Variants in FHIT observed in about 807,000 individuals in gnomAD.
The protein encoded by FHIT is fragile histidine triad diadenosine triphosphatase.
Under a neutral mutation model 17.9 loss-of-function variants are expected in FHIT, and 19 were observed. The observed-to-expected ratio is 1.06, with a 90% confidence interval of 0.74 to 1.56. The LOEUF (loss-of-function observed/expected upper bound fraction) is 1.56, where lower values mean the gene tolerates loss of function less well. Among genes scored for constraint, FHIT ranks in the 40% most tolerant of loss-of-function variants. FHIT has a pLI of 0.00. For synonymous variants in FHIT, 81 were observed against 69.7 expected (o/e 1.16, Z -0.81); for missense variants, 248 against 189.2 (o/e 1.31, Z -1.82).
At chr3:60,346,925 A>AT (rs979488731) in intron 5 of FHIT, among the ~76,000 whole-genome samples, 6 of 152,260 alleles carry the variant, frequency 3.9e-5, no homozygotes, top group Admixed American at 2.0e-4. Context: ...TACCTTAAAG[A>AT]TTTTTTCCTG....
intron 5 of FHIT, among the ~76,000 whole-genome samples, chr3:60,267,645 C>T (rs543999994): frequency 1.4e-4 from 22 of 152,156 alleles, no homozygotes; most frequent in Admixed American, 5.9e-4. Flanking sequence ...GACCGTTCTT[C>T]CACACTTAGC....
chr3:59,878,018 T>C (rs1301159365), intron 8 of FHIT, among the ~76,000 whole-genome samples: 4 of 152,164 alleles, frequency 2.6e-5, no homozygotes, highest in Non-Finnish European at 5.9e-5. Flanking sequence ...TAAATGCATA[T>C]AGGCCAAATT....
At chr3:60,177,912 C>G (rs1336366825) in intron 5 of FHIT, among the ~76,000 whole-genome samples, 1 of 152,134 alleles carries the variant, frequency 6.6e-6, no homozygotes, top group Non-Finnish European at 1.5e-5. Context: ...CTTCAAGTCC[C>G]AAAGTATTTT....
chr3:60,186,677 T>C (rs959818763), intron 5 of FHIT, among the ~76,000 whole-genome samples: 2 of 152,112 alleles, frequency 1.3e-5, no homozygotes, highest in African/African-American at 2.4e-5. Context: ...CGGGCCTCAT[T>C]AGCTCTAGTA....
intron 1 of FHIT, among the ~76,000 whole-genome samples, chr3:61,214,033 A>T (rs2039584083): frequency 6.6e-6 from 1 of 152,342 alleles, no homozygotes; most frequent in South Asian, 2.1e-4. Flanking sequence ...TTATAGCACT[A>T]AATGCCCACA....
intron 3 of FHIT, among the ~76,000 whole-genome samples, chr3:60,861,623 T>C (rs1575611917): frequency 6.6e-6 from 1 of 151,930 alleles, no homozygotes; most frequent in Non-Finnish European, 1.5e-5. Context: ...TAGTCTAGTC[T>C]CTCATGTTCC....
intron 5 of FHIT, among the ~76,000 whole-genome samples, chr3:60,103,768 C>T (rs893574868): frequency 2.0e-5 from 3 of 152,326 alleles, no homozygotes; most frequent in Non-Finnish European, 4.4e-5. Flanking sequence ...AAATAATCAA[C>T]ATACCAATTC....
intron 2 of FHIT, among the ~76,000 whole-genome samples, chr3:61,062,486 T>C (rs1244704709): frequency 2.0e-5 from 3 of 152,176 alleles, no homozygotes; most frequent in Admixed American, 6.5e-5. Context: ...ATCTCTAGAT[T>C]GAGTTACAAA....
chr3:59,894,098 G>C (rs1703966107), intron 8 of FHIT, among the ~76,000 whole-genome samples: 1 of 151,974 alleles, frequency 6.6e-6, no homozygotes, highest in South Asian at 2.1e-4. Context: ...ACAAAAAATA[G>C]CCTGGTGTGG....
Position 60,600,753 on chromosome 3 carries a change from C to T in FHIT, c.-17-63774G>A, listed in dbSNP as rs148513038. ...GTGATGAGGCAAACCCAGACAAATTCGAGAAAAACAACTTTGTTATAGAAG... is the reference window on the plus strand; with the variant it reads ...GTGATGAGGCAAACCCAGACAAATTTGAGAAAAACAACTTTGTTATAGAAG... On this transcript the variant is annotated intron_variant, in intron 4 of 9. Transcript: ENST00000492590. Among the ~76,000 whole-genome samples the T allele has an allele frequency of 4.4e-4, 67 of 152,220 alleles. 1 individual carries two copies. In the East Asian group the frequency reaches 0.011, roughly 26 times the overall value.
chr3:60,344,011 T>C (rs1010994549), intron 5 of FHIT, among the ~76,000 whole-genome samples: 3 of 152,180 alleles, frequency 2.0e-5, no homozygotes, highest in Non-Finnish European at 4.4e-5. Context: ...TCAAACTCTA[T>C]GACTACAGTT....
intron 3 of FHIT, among the ~76,000 whole-genome samples, chr3:60,826,180 AGG>A (rs1553740923): frequency 1.5e-5 from 2 of 135,502 alleles, no homozygotes; most frequent in Non-Finnish European, 3.0e-5. Context: ...GAAGGAAGGA[AGG>A]AAGGAAGGAA....
At chr3:60,837,141 G>A (rs1416070179) in intron 3 of FHIT, among the ~76,000 whole-genome samples, 1 of 152,084 alleles carries the variant, frequency 6.6e-6, no homozygotes, top group Non-Finnish European at 1.5e-5. Flanking sequence ...GAACTTCTAA[G>A]AAGGCACAGT....
chr3:60,159,549 G>A (rs151192294), intron 5 of FHIT, among the ~76,000 whole-genome samples: 3 of 152,114 alleles, frequency 2.0e-5, no homozygotes, highest in African/African-American at 4.8e-5. Context: ...ACCACAATAC[G>A]TTAAAAAGCA....
intron 5 of FHIT, among the ~76,000 whole-genome samples, chr3:60,522,198 C>T (rs76840121): frequency 0.014 from 2,103 of 149,488 alleles, 47 homozygotes; most frequent in African/African-American, 0.048. Flanking sequence ...CAACTTCTGC[C>T]CCCCTGAGTT....
At chr3:60,810,367 C>T (rs1377766453) in intron 4 of FHIT, among the ~76,000 whole-genome samples, 1 of 152,170 alleles carries the variant, frequency 6.6e-6, no homozygotes, top group Admixed American at 6.5e-5. Flanking sequence ...TAAGAGTAAG[C>T]TCTCCAGCCC....
intron 5 of FHIT, among the ~76,000 whole-genome samples, chr3:60,416,992 G>A (rs1702272111): frequency 1.3e-5 from 2 of 151,918 alleles, no homozygotes; most frequent in African/African-American, 4.8e-5. Flanking sequence ...GGGAGGCTGA[G>A]GCAGGAGAAT....
chr3:60,201,057 C>T (rs986645048), intron 5 of FHIT, among the ~76,000 whole-genome samples: 2 of 152,070 alleles, frequency 1.3e-5, no homozygotes, highest in African/African-American at 2.4e-5. Flanking sequence ...AATAGAACAA[C>T]GTGGGTGGAA....
chr3:60,123,655 C>T (rs1353049408), intron 5 of FHIT, among the ~76,000 whole-genome samples: 1 of 151,874 alleles, frequency 6.6e-6, no homozygotes, highest in Non-Finnish European at 1.5e-5. Flanking sequence ...TAGAGAAACC[C>T]AATCACTGCT....
Sources: allele counts gnomAD v4.1 joint callset (sites outside exome capture counted in the v4.1 genomes callset), GRCh38; gene constraint gnomAD v4.1.1; transcripts MANE v1.5; gene names NCBI Gene and HGNC (gene_info 2026-07-23, HGNC 2026-07-21).